SLC4A10: variants seen among roughly 807,000 people sequenced by gnomAD.
SLC4A10 encodes solute carrier family 4 member 10.
Under a neutral mutation model 137.7 loss-of-function variants are expected in SLC4A10, and 42 were observed. The ratio of observed to expected loss-of-function variants is 0.30; its 90% confidence interval spans 0.24 to 0.39. SLC4A10 has a LOEUF of 0.39. Ranked by LOEUF, SLC4A10 falls within the 10% of genes least tolerant of loss-of-function variation. The pLI is 1.00. For missense variants in SLC4A10, 925 were observed against 1,355.0 expected, an observed-to-expected ratio of 0.68 and a Z score of 4.98; for synonymous variants, 474 against 464.1, an observed-to-expected ratio of 1.02 and a Z score of -0.27.
intron 6 of SLC4A10, among the ~76,000 whole-genome samples, chr2:161,871,541 G>A (rs2061125093): frequency 6.6e-6 from 1 of 151,972 alleles, no homozygotes; most frequent in Non-Finnish European, 1.5e-5. Context: ...CACTCCCAGA[G>A]CTACTATCCA....
chr2:161,758,666 T>A (rs886646472), intron 1 of SLC4A10, among the ~76,000 whole-genome samples: 1 of 152,006 alleles, frequency 6.6e-6, no homozygotes, highest in Non-Finnish European at 1.5e-5. Context: ...ATTCTGATAT[T>A]GTAGATTATT....
intron 1 of SLC4A10, among the ~76,000 whole-genome samples, chr2:161,684,879 A>G (rs1325053762): frequency 2.0e-5 from 3 of 152,212 alleles, no homozygotes; most frequent in African/African-American, 7.2e-5. Context: ...TGAAGGTGGT[A>G]TAGCCAGAAA....
chr2:161,901,453 A>G (rs1228086298), intron 12 of SLC4A10, among the ~76,000 whole-genome samples: 1 of 152,142 alleles, frequency 6.6e-6, no homozygotes, highest in East Asian at 1.9e-4. Context: ...AAAGAGCTAT[A>G]TGATTTATTT....
At chr2:161,806,190 C>T (rs2055928667) in intron 3 of SLC4A10, among the ~76,000 whole-genome samples, 1 of 152,080 alleles carries the variant, frequency 6.6e-6, no homozygotes, top group Non-Finnish European at 1.5e-5. Flanking sequence ...GGCACCAAGT[C>T]CCTAGGCTGT....
chr2:161,685,485 G>A (rs142024821), intron 1 of SLC4A10, among the ~76,000 whole-genome samples: 272 of 152,244 alleles, frequency 1.8e-3, no homozygotes, highest in African/African-American at 6.4e-3. Flanking sequence ...GCACACACCT[G>A]TGGTCCCAGC....
chr2:161,644,068 C>CTTTT (rs5835873), intron 1 of SLC4A10, among the ~76,000 whole-genome samples: 111 of 143,418 alleles, frequency 7.7e-4, no homozygotes, highest in Non-Finnish European at 1.0e-3. Flanking sequence ...GGCTTCTAAT[C>CTTTT]TTTTTTTTTT....
chr2:161,919,784 T>G (rs1687787874), intron 15 of SLC4A10, among the ~76,000 whole-genome samples: 1 of 152,116 alleles, frequency 6.6e-6, no homozygotes, highest in African/African-American at 2.4e-5. Flanking sequence ...AACACACCCC[T>G]GGCTCACCAT....
intron 11 of SLC4A10, among the ~76,000 whole-genome samples, chr2:161,898,055 A>T (rs1234803235): frequency 6.6e-6 from 1 of 152,138 alleles, no homozygotes. Flanking sequence ...ATTGAGAGGC[A>T]GTCATAGAAA....
chr2:161,782,726 C>A (rs2053181695), intron 2 of SLC4A10, among the ~76,000 whole-genome samples: 2 of 145,010 alleles, frequency 1.4e-5, no homozygotes, highest in African/African-American at 2.6e-5. Context: ...AGGGATTCAA[C>A]AACATACTAG....
intron 1 of SLC4A10, chr2:161,708,751 G>A (rs1282995356): frequency 2.6e-6 from 4 of 1,531,452 alleles, no homozygotes; most frequent in Non-Finnish European, 3.5e-6. Context: ...GACAGGAAAT[G>A]CAGTCTTTAG....
chr2:161,805,725 G>A (rs572137845), intron 3 of SLC4A10, among the ~76,000 whole-genome samples: 5 of 152,312 alleles, frequency 3.3e-5, no homozygotes, highest in Admixed American at 1.3e-4. Context: ...CTCTGCCCTC[G>A]TGGCTTTGCA....
At chr2:161,823,744 T>A (rs2057813064) in intron 3 of SLC4A10, among the ~76,000 whole-genome samples, 1 of 152,222 alleles carries the variant, frequency 6.6e-6, no homozygotes, top group Non-Finnish European at 1.5e-5. Context: ...CATTTATGAT[T>A]TTTGTAAGAG....
In SLC4A10 at chr2:161,855,024, T is replaced by C. The variant is rs761165465; in HGVS notation, c.471T>C (p.Pro157=). ...ATGGAGGAGAAAGGTGGAGCAAGCC[T>C]TATGTGGCTACTCTTTCATTGCACA... ...VEDGGERWSK[P]YVATLSLHSL... Residue 157 remains proline (P), a synonymous_variant, in exon 5 of 27, where the codon CCT becomes CCC. Coordinates refer to ENST00000446997, the MANE Select transcript of SLC4A10 (RefSeq NM_001178015.2). 12 of 1,613,284 alleles carry C rather than the reference T, an allele frequency of 7.4e-6. No homozygotes were observed. Among genetic ancestry groups the C allele is most frequent in the African/African-American group, 1.3e-5 (1 of 74,896 alleles).
At chr2:161,876,467 T>A (rs2061453615) in intron 8 of SLC4A10, among the ~76,000 whole-genome samples, 1 of 152,058 alleles carries the variant, frequency 6.6e-6, no homozygotes, top group South Asian at 2.1e-4. Context: ...TCACTTGAGC[T>A]TAGGAGTTCG....
intron 1 of SLC4A10, among the ~76,000 whole-genome samples, chr2:161,716,032 G>T (rs2044830441): frequency 6.6e-6 from 1 of 152,052 alleles, no homozygotes; most frequent in Admixed American, 6.6e-5. Context: ...CATTCTGACT[G>T]GCATGAGATG....
intron 21 of SLC4A10, among the ~76,000 whole-genome samples, chr2:161,960,309 A>C (rs1226410484): frequency 7.1e-6 from 1 of 140,334 alleles, no homozygotes; most frequent in East Asian, 2.3e-4. Flanking sequence ...GGTTGCAGTG[A>C]GTGGAAATTG....
At chr2:161,823,908 A>G (rs962492704) in intron 3 of SLC4A10, among the ~76,000 whole-genome samples, 2 of 152,174 alleles carry the variant, frequency 1.3e-5, no homozygotes, top group Non-Finnish European at 2.9e-5. Context: ...TATGATCAAG[A>G]CTACCCTTAT....
Position 161,637,114 on chromosome 2 carries a change from TATATATCTATATACATAA to T in SLC4A10, c.48+12552_48+12569del, listed in dbSNP as rs1484422364. ...ATATACGTATATACGTATTTATGTA[TATATATCTATATACATAA>T]ATACGTATTTATGTATATAGATATA... is the stretch of plus-strand genomic sequence containing the variant. On this transcript the variant is annotated intron_variant, in intron 1 of 26. Transcript: ENST00000446997. 1.0e-3 allele frequency among the ~76,000 whole-genome samples: 130 copies of T among 130,168 alleles called. 1 individual carries two copies. The highest frequency in any genetic ancestry group is 3.2e-3 in the African/African-American group (120 of 37,232). 85.4% of individuals were successfully genotyped at this position (130,168 alleles called of 152,430 possible).
chr2:161,657,711 G>A (rs376169591), intron 1 of SLC4A10, among the ~76,000 whole-genome samples: 11 of 151,870 alleles, frequency 7.2e-5, no homozygotes, highest in African/African-American at 1.9e-4. Context: ...TTAACATAGG[G>A]AGAAAATAAA....
Sources: allele counts gnomAD v4.1 joint callset (sites outside exome capture counted in the v4.1 genomes callset), GRCh38; gene constraint gnomAD v4.1.1; transcripts MANE v1.5; gene names NCBI Gene and HGNC (gene_info 2026-07-23, HGNC 2026-07-21).